The following NEMP2 variants were observed in gnomAD, a reference collection of about 807,000 sequenced individuals.
NEMP2 encodes nuclear envelope integral membrane protein 2, also known as UPF0571 transmembrane protein.
NEMP2 carries 53 observed loss-of-function variants against 54.2 expected under a neutral mutation model. That is an observed-to-expected ratio of 0.98 (90% CI 0.78 to 1.23). NEMP2 has a LOEUF of 1.23. Ranked by LOEUF, NEMP2 falls within the 50% of genes most tolerant of loss-of-function variation. The probability of loss-of-function intolerance (pLI) is 0.00; values close to 1 mark genes in which losing one functional copy is unlikely to be tolerated. For synonymous variants in NEMP2, 197 were observed against 190.3 expected, an observed-to-expected ratio of 1.04 and a Z score of -0.29; for missense variants, 455 against 511.3, an observed-to-expected ratio of 0.89 and a Z score of 1.06.
the NEMP2 span, among the ~76,000 whole-genome samples, chr2:190,476,301 C>G: frequency 6.6e-6 from 1 of 152,068 alleles, no homozygotes; most frequent in Non-Finnish European, 1.5e-5. Context: ...TTTTTGCAAT[C>G]TACTCATCTG....
chr2:190,524,573 T>C (rs1342096627), intron 2 of NEMP2, among the ~76,000 whole-genome samples: 2 of 152,192 alleles, frequency 1.3e-5, no homozygotes, highest in Non-Finnish European at 2.9e-5. Context: ...CACTGAAATC[T>C]TCCTCAAATG....
At chr2:190,485,322 TCCTG>T in the NEMP2 span, among the ~76,000 whole-genome samples, 1 of 152,196 alleles carries the variant, frequency 6.6e-6, no homozygotes, top group Non-Finnish European at 1.5e-5. The surrounding 1 kb of genome is among the most constrained non-coding windows in gnomAD (Gnocchi z 5.1). Context: ...TGCTTGTAAA[TCCTG>T]CAATTGATTG....
the NEMP2 span, among the ~76,000 whole-genome samples, chr2:190,476,395 A>C: frequency 6.6e-6 from 1 of 152,264 alleles, no homozygotes; most frequent in Non-Finnish European, 1.5e-5. Flanking sequence ...TGGGCAAAGG[A>C]TATGAACAGA....
chr2:190,434,426 T>C, the NEMP2 span, among the ~76,000 whole-genome samples: 1 of 152,104 alleles, frequency 6.6e-6, no homozygotes, highest in Non-Finnish European at 1.5e-5. The surrounding 1 kb of genome is among the most constrained non-coding windows in gnomAD (Gnocchi z 4.3). Flanking sequence ...AAAACATTTA[T>C]TTATTTTATT....
At chr2:190,462,598 C>T in the NEMP2 span, among the ~76,000 whole-genome samples, 1 of 152,140 alleles carries the variant, frequency 6.6e-6, no homozygotes, top group African/African-American at 2.4e-5. This position sits in a 1 kb window ranked among gnomAD's most constrained non-coding sequence, Gnocchi z 5.7. Context: ...CAGTGTGCAA[C>T]AGACTGTGAT....
At chr2:190,545,243 AC>A in the NEMP2 span, among the ~76,000 whole-genome samples, 1 of 72,912 alleles carries the variant, frequency 1.4e-5, no homozygotes, top group Non-Finnish European at 3.6e-5. Flanking sequence ...ATCCGATCTC[AC>A]CAACTCCACT....
the NEMP2 span, among the ~76,000 whole-genome samples, chr2:190,632,934 C>T: frequency 1.3e-5 from 2 of 152,212 alleles, no homozygotes; most frequent in African/African-American, 4.8e-5. This position sits in a 1 kb window ranked among gnomAD's most constrained non-coding sequence, Gnocchi z 4.8. Context: ...CCTAACTTGC[C>T]TTCCCACCCA....
At chr2:190,499,502 G>A (rs1423652917), downstream of NEMP2, among the ~76,000 whole-genome samples, 1 of 152,104 alleles carries the variant, frequency 6.6e-6, no homozygotes, top group African/African-American at 2.4e-5. This position sits in a 1 kb window ranked among gnomAD's most constrained non-coding sequence, Gnocchi z 6.0. Flanking sequence ...AACTTTTGGT[G>A]CACATTTTGA....
rs1407122136 is a variant in NEMP2 at position 190,513,030 on chromosome 2, T to A, written c.953+1423A>T. ...TCTTCTAGCCTTGGTCTCATGGTCCTACCCTAGGCCCTCATCAGCTCTCGC... is the reference window on the plus strand; with the variant it reads ...TCTTCTAGCCTTGGTCTCATGGTCCAACCCTAGGCCCTCATCAGCTCTCGC... On this transcript the variant is annotated intron_variant, in intron 7 of 8. Coordinates refer to ENST00000409150, the MANE Select transcript of NEMP2 (RefSeq NM_001142645.2). The surrounding 1 kb of genome is among the most constrained non-coding windows in gnomAD (Gnocchi z 5.3). Among the ~76,000 whole-genome samples, 1 of 152,180 alleles carries A rather than the reference T, an allele frequency of 6.6e-6. No homozygotes were observed.
rs183619946 is a variant in NEMP2, at chr2:190,530,365, T to A, written c.97+4194A>T. ...GTCCTCTGGCTGCCCTTTTTTCTTA[T>A]CACCTCTCTCCCGAGGTGAATGAGT... On this transcript the variant is annotated intron_variant, in intron 1 of 8. Coordinates refer to ENST00000409150, the MANE Select transcript of NEMP2 (RefSeq NM_001142645.2). The surrounding 1 kb of genome is among the most constrained non-coding windows in gnomAD (Gnocchi z 4.6). 6.6e-6 allele frequency among the ~76,000 whole-genome samples: 1 copy of A among 152,292 alleles called. No homozygotes were observed. The highest frequency in any genetic ancestry group is 1.9e-4 in the East Asian group (1 of 5,188).
the NEMP2 span, among the ~76,000 whole-genome samples, chr2:190,495,725 C>A: frequency 1.3e-5 from 2 of 151,954 alleles, no homozygotes; most frequent in Non-Finnish European, 2.9e-5. The surrounding 1 kb of genome is among the most constrained non-coding windows in gnomAD (Gnocchi z 4.7). Context: ...ACAAAGCAAA[C>A]AGAAACATAA....
Position 190,509,222 on chromosome 2 carries a change from C to T in NEMP2, c.1221G>A (p.Leu407=). 1 of 1,551,692 alleles carries T rather than the reference C, an allele frequency of 6.4e-7. No homozygotes were observed. The highest frequency in any genetic ancestry group is 8.7e-7 in the Non-Finnish European group (1 of 1,146,990). ...TACTCGGGTTAAAGAGCTGCTCTTC[C>T]AAGAAGGCACCCCCAAGGCCATACT... The part of the protein sequence containing the change: ...EEQYGLGGAF[L]EEQLFNPSTA The change falls in exon 9 of 9, where the codon TTG becomes TTA. Residue 407 remains leucine (L), a synonymous_variant. Transcript: ENST00000409150. The surrounding 1 kb of genome is among the most constrained non-coding windows in gnomAD (Gnocchi z 6.1).
the NEMP2 span, among the ~76,000 whole-genome samples, chr2:190,465,718 C>T: frequency 4.6e-5 from 7 of 152,056 alleles, no homozygotes; most frequent in African/African-American, 7.2e-5. This position sits in a 1 kb window ranked among gnomAD's most constrained non-coding sequence, Gnocchi z 4.6. Flanking sequence ...TATGGCCGGG[C>T]GTGGTGGCTC....
chr2:190,476,975 G>A, the NEMP2 span, among the ~76,000 whole-genome samples: 3 of 146,046 alleles, frequency 2.1e-5, no homozygotes, highest in Non-Finnish European at 3.0e-5. Context: ...AACACCGCAT[G>A]TTCTCACTCA....
chr2:190,559,706 G>C, the NEMP2 span, among the ~76,000 whole-genome samples: 8 of 152,206 alleles, frequency 5.3e-5, no homozygotes, highest in African/African-American at 1.9e-4. This position sits in a 1 kb window ranked among gnomAD's most constrained non-coding sequence, Gnocchi z 4.0. Context: ...GCAACAAAAA[G>C]AGGTGGTGGT....
At chr2:190,647,269 T>C in the NEMP2 span, among the ~76,000 whole-genome samples, 1 of 152,222 alleles carries the variant, frequency 6.6e-6, no homozygotes, top group Admixed American at 6.5e-5. Flanking sequence ...TTTAATTATA[T>C]GTATTCCATT....
rs1015057370 is a variant in NEMP2 at position 190,524,421 on chromosome 2, A to G, written c.213+842T>C. Among the ~76,000 whole-genome samples, 27 of 152,172 alleles carry G rather than the reference A, an allele frequency of 1.8e-4. 1 individual carries two copies. Among genetic ancestry groups the G allele is most frequent in the South Asian group, 2.1e-4 (1 of 4,828 alleles). ...ATTTTAGTGGAAGAACCTGACAAAC[A>G]CTACCTTAACCATGTGATTAAAGTG... On this transcript the variant is annotated intron_variant, in intron 2 of 8. Coordinates refer to ENST00000409150, the MANE Select transcript of NEMP2 (RefSeq NM_001142645.2).
the NEMP2 span, among the ~76,000 whole-genome samples, chr2:190,566,804 G>C: frequency 2.6e-5 from 4 of 151,914 alleles, no homozygotes; most frequent in East Asian, 5.8e-4. Flanking sequence ...AGGAAATATA[G>C]GGGGTTTTTT....
chr2:190,484,518 T>C, the NEMP2 span, among the ~76,000 whole-genome samples: 1 of 152,214 alleles, frequency 6.6e-6, no homozygotes, highest in Admixed American at 6.5e-5. Context: ...GTCTTACAAA[T>C]ATGGGAAATG....
Sources: allele counts gnomAD v4.1 joint callset (sites outside exome capture counted in the v4.1 genomes callset), GRCh38; gene constraint gnomAD v4.1.1; non-coding constraint Gnocchi (gnomAD v3.1); transcripts MANE v1.5; gene names NCBI Gene and HGNC (gene_info 2026-07-23, HGNC 2026-07-21).